Variants in SLC37A1 observed in about 807,000 individuals in gnomAD.
SLC37A1 encodes glucose-6-phosphate exchanger SLC37A1.
In SLC37A1, 49 loss-of-function variants were observed where a neutral mutation model predicts 75.3. The ratio of observed to expected loss-of-function variants is 0.65; its 90% confidence interval spans 0.52 to 0.83. SLC37A1 has a LOEUF of 0.83. Among genes scored for constraint, SLC37A1 ranks in the 40% least tolerant of loss-of-function variants. The pLI, the probability that SLC37A1 is intolerant of heterozygous loss-of-function variation, is 0.00. For synonymous variants in SLC37A1, 268 were observed against 292.1 expected (o/e 0.92, Z 0.84); for missense variants, 566 against 695.0 (o/e 0.81, Z 2.09).
Position 42,514,498 on chromosome 21 carries a change from G to A in SLC37A1, c.-398G>A, listed in dbSNP as rs1411192767. 1.3e-5 allele frequency: 2 copies of A among 152,248 alleles called. No individual in the cohort carries two copies. The highest frequency in any genetic ancestry group is 4.1e-4 in the South Asian group (2 of 4,836). 9.4% of individuals were successfully genotyped at this position (152,248 alleles called of 1,614,324 possible). On this transcript the variant is annotated 5_prime_UTR_variant, in exon 1 of 20. Coordinates refer to ENST00000352133, the MANE Select transcript of SLC37A1 (RefSeq NM_001320537.2). The surrounding 1 kb of genome is among the most constrained non-coding windows in gnomAD (Gnocchi z 4.8). ...GGGACCAGCCGCCCAGGGAGGAGCC[G>A]GCACAGAACGCTGGCTCGGAGCGCC... is the stretch of plus-strand genomic sequence containing the variant.
chr21:42,553,797 A>G (rs2055614472), intron 9 of SLC37A1, among the ~76,000 whole-genome samples: 1 of 152,248 alleles, frequency 6.6e-6, no homozygotes, highest in African/African-American at 2.4e-5. Flanking sequence ...GCCATTCAGA[A>G]AAGTTAAGTT....
At chr21:42,559,945 G>C (rs531138798) in intron 11 of SLC37A1, among the ~76,000 whole-genome samples, 1 of 152,028 alleles carries the variant, frequency 6.6e-6, no homozygotes, top group Non-Finnish European at 1.5e-5. Context: ...GTGTGTGTGA[G>C]CAGAGGATGC....
chr21:42,531,058 C>G (rs1324961392), intron 3 of SLC37A1, among the ~76,000 whole-genome samples: 1 of 152,162 alleles, frequency 6.6e-6, no homozygotes, highest in African/African-American at 2.4e-5. Context: ...AAATTCCCAC[C>G]GCAGCTGCCT....
rs769204183 is a variant in SLC37A1, at chr21:42,534,664, C to T, written c.139-34C>T. 1.3e-5 allele frequency: 21 copies of T among 1,596,132 alleles called. No homozygotes were observed. The South Asian group carries it at 2.1e-4, about 16-fold the overall frequency. On this transcript the variant is annotated intron_variant, in intron 3 of 19. Coordinates refer to ENST00000352133, the MANE Select transcript of SLC37A1 (RefSeq NM_001320537.2). ...TGCTGAGCCTCACTGAGGGCACTTC[C>T]TCTCCCTGCTTCTGCCCTCCCATCA...
chr21:42,562,707 A>G (rs2055862253), intron 12 of SLC37A1, among the ~76,000 whole-genome samples: 1 of 152,164 alleles, frequency 6.6e-6, no homozygotes, highest in Non-Finnish European at 1.5e-5. Context: ...AACACAGGAC[A>G]GACAAGAGGA....
chr21:42,512,965 C>T (rs2054453103), upstream of SLC37A1, among the ~76,000 whole-genome samples: 1 of 152,246 alleles, frequency 6.6e-6, no homozygotes, highest in Non-Finnish European at 1.5e-5. Context: ...GTGCGAGGGG[C>T]ACTGGCCTGT....
upstream of SLC37A1, among the ~76,000 whole-genome samples, chr21:42,512,377 C>T (rs1028104470): frequency 3.9e-5 from 6 of 152,106 alleles, no homozygotes; most frequent in Non-Finnish European, 8.8e-5. Flanking sequence ...TCAGATTTTG[C>T]TTTAGGAGGG....
chr21:42,557,916 ACCT>A (rs967934203), intron 10 of SLC37A1, among the ~76,000 whole-genome samples: 2 of 149,544 alleles, frequency 1.3e-5, no homozygotes, highest in Non-Finnish European at 3.0e-5. Flanking sequence ...AAGACCTTGA[ACCT>A]CATAGCTCAC....
At chr21:42,520,647 G>A (rs567429406) in intron 2 of SLC37A1, among the ~76,000 whole-genome samples, 61 of 152,114 alleles carry the variant, frequency 4.0e-4, no homozygotes, top group African/African-American at 1.2e-3. Flanking sequence ...GTGTGTGTGC[G>A]TGTGTGTGGG....
intron 16 of SLC37A1, among the ~76,000 whole-genome samples, chr21:42,567,668 T>C (rs943497217): frequency 6.6e-6 from 1 of 152,234 alleles, no homozygotes; most frequent in Admixed American, 6.5e-5. Context: ...ATATACATAT[T>C]ACGTGCATAT....
intron 5 of SLC37A1, among the ~76,000 whole-genome samples, chr21:42,536,400 G>T (rs541560670): frequency 6.6e-6 from 1 of 152,350 alleles, no homozygotes; most frequent in African/African-American, 2.4e-5. Flanking sequence ...GACCAAGGCA[G>T]GTGGTGAATA....
intron 2 of SLC37A1, among the ~76,000 whole-genome samples, chr21:42,524,702 G>C (rs1044886409): frequency 6.6e-6 from 1 of 152,280 alleles, no homozygotes; most frequent in Middle Eastern, 3.4e-3. Flanking sequence ...TGTGCATCTC[G>C]AGTCCCAGGT....
At chr21:42,553,783 C>T (rs2055614195) in intron 9 of SLC37A1, among the ~76,000 whole-genome samples, 1 of 152,124 alleles carries the variant, frequency 6.6e-6, no homozygotes, top group South Asian at 2.1e-4. Flanking sequence ...GAAACAATCT[C>T]ACGGCCATTC....
chr21:42,534,415 T>A (rs746141889), intron 3 of SLC37A1, among the ~76,000 whole-genome samples: 20 of 152,112 alleles, frequency 1.3e-4, no homozygotes, highest in Admixed American at 1.1e-3. Context: ...CTAAAACTGC[T>A]CCCGAGGCTC....
chr21:42,557,498 T>G (rs945316891), intron 10 of SLC37A1, among the ~76,000 whole-genome samples: 3 of 152,300 alleles, frequency 2.0e-5, no homozygotes, highest in Non-Finnish European at 2.9e-5. Context: ...GTTAGGCATC[T>G]GCACTCAGCC....
At chr21:42,575,674 C>T (rs1178668019) in intron 18 of SLC37A1, 9 of 985,404 alleles carry the variant, frequency 9.1e-6, no homozygotes, top group Non-Finnish European at 1.1e-5. Flanking sequence ...CTTCACCAGA[C>T]AAAACCTTAG....
chr21:42,538,584 G>A (rs1408780828), intron 5 of SLC37A1, among the ~76,000 whole-genome samples: 4 of 152,186 alleles, frequency 2.6e-5, no homozygotes. Context: ...TAATGCTTGT[G>A]AAGGGCTCAC....
chr21:42,558,819 A>C, intron 10 of SLC37A1, 139 bp from the exon 11 acceptor site: 1 of 991,812 alleles, frequency 1.0e-6, no homozygotes, highest in Non-Finnish European at 1.5e-6. Context: ...CCAGGTGGGA[A>C]TGTCACCCAG....
intron 12 of SLC37A1, among the ~76,000 whole-genome samples, chr21:42,562,990 G>T (rs192286734): frequency 1.3e-5 from 2 of 152,284 alleles, no homozygotes; most frequent in Admixed American, 6.5e-5. Flanking sequence ...CTGGCAGCAC[G>T]AGGCTGGAGA....
Sources: gnomAD v4.1 joint callset for allele counts (sites outside exome capture counted in the v4.1 genomes callset) on GRCh38, gnomAD v4.1.1 for gene constraint, Gnocchi (gnomAD v3.1) non-coding constraint, MANE v1.5 for transcripts, NCBI Gene and HGNC (gene_info 2026-07-23, HGNC 2026-07-21) for gene names.